The following SHC3 variants were observed in gnomAD, a reference collection of about 807,000 sequenced individuals.
SHC3 encodes the protein SHC adaptor protein 3.
Under a neutral mutation model 60.4 loss-of-function variants are expected in SHC3, and 15 were observed. That is an observed-to-expected ratio of 0.25 (90% CI 0.17 to 0.38). The LOEUF (loss-of-function observed/expected upper bound fraction) is 0.38. SHC3 is among the 10% of genes least tolerant of loss of function. The probability of loss-of-function intolerance (pLI) is 1.00; values close to 1 mark genes in which losing one functional copy is unlikely to be tolerated. For synonymous variants in SHC3, 294 were observed against 325.9 expected (o/e 0.90, Z 1.05); for missense variants, 677 against 786.1 (o/e 0.86, Z 1.66).
intron 1 of SHC3, among the ~76,000 whole-genome samples, chr9:89,166,328 T>A (rs1426763219): frequency 1.3e-5 from 2 of 152,044 alleles, no homozygotes; most frequent in African/African-American, 4.8e-5. Flanking sequence ...CTATCCCCAA[T>A]CCTAGCACAG....
chr9:89,027,420 C>T (rs1355961764), intron 11 of SHC3, among the ~76,000 whole-genome samples: 3 of 151,624 alleles, frequency 2.0e-5, no homozygotes, highest in African/African-American at 4.9e-5. Flanking sequence ...CCCGGGTTCA[C>T]GCCATTCTGC....
intron 11 of SHC3, among the ~76,000 whole-genome samples, chr9:89,026,348 A>T (rs1343722496): frequency 2.0e-5 from 3 of 152,028 alleles, no homozygotes; most frequent in Non-Finnish European, 4.4e-5. Context: ...TCTGCATGGT[A>T]AAACCTTGGT....
At chr9:89,032,842 A>G (rs1345671644) in intron 11 of SHC3, among the ~76,000 whole-genome samples, 3 of 152,196 alleles carry the variant, frequency 2.0e-5, no homozygotes, top group East Asian at 3.9e-4. Flanking sequence ...ACCAATTACC[A>G]TGAAAATCAG....
chr9:89,039,869 TCAC>T (rs1308444264), intron 10 of SHC3, among the ~76,000 whole-genome samples: 1 of 151,588 alleles, frequency 6.6e-6, no homozygotes, highest in African/African-American at 2.4e-5. Context: ...ATCATCATCA[TCAC>T]CATCATTGTC....
In SHC3 at chr9:89,065,577, T is replaced by C. The variant is rs1825165282; in HGVS notation, c.787A>G (p.Thr263Ala). 6.2e-7 allele frequency: 1 copy of C among 1,614,074 alleles called. No homozygotes were observed. The highest frequency in any genetic ancestry group is 8.5e-7 in the Non-Finnish European group (1 of 1,180,004). Residue 263 changes from threonine to alanine, a missense_variant, in exon 6 of 12, where the codon ACA becomes GCA. Thr to Ala is a moderately conservative substitution (Grantham distance 58). Coordinates refer to ENST00000375835, the MANE Select transcript of SHC3 (RefSeq NM_016848.6). ...GCCACATATGCAACATAGTCAGTTG[T>C]GTCCTGTTAAAGAAAAAAGAGATGT... The part of the protein sequence containing the change: ...ISFASGGDPD[T>A]TDYVAYVAKD...
At chr9:89,106,860 G>A (rs1248880478) in intron 2 of SHC3, among the ~76,000 whole-genome samples, 6 of 152,030 alleles carry the variant, frequency 3.9e-5, no homozygotes, top group Admixed American at 3.9e-4. Context: ...CCTCACAAAT[G>A]AAAAATAAAC....
chr9:89,018,257 A>C (rs559480197), intron 11 of SHC3, among the ~76,000 whole-genome samples: 1 of 152,218 alleles, frequency 6.6e-6, no homozygotes, highest in East Asian at 1.9e-4. Context: ...CTCATCAATG[A>C]TAGACTGGGT....
intron 1 of SHC3, among the ~76,000 whole-genome samples, chr9:89,170,683 A>G (rs1011863770): frequency 3.3e-5 from 5 of 152,352 alleles, no homozygotes; most frequent in African/African-American, 9.6e-5. Context: ...ATAATGGAAT[A>G]CAGTTGGCCC....
At chr9:89,043,699 T>C (rs1034406950) in intron 9 of SHC3, among the ~76,000 whole-genome samples, 1 of 152,102 alleles carries the variant, frequency 6.6e-6, no homozygotes, top group African/African-American at 2.4e-5. Flanking sequence ...TCACCCAGGC[T>C]GGAATGCAAG....
At chr9:89,171,513 T>C (rs929256763) in intron 1 of SHC3, among the ~76,000 whole-genome samples, 3 of 152,230 alleles carry the variant, frequency 2.0e-5, no homozygotes, top group Non-Finnish European at 2.9e-5. Flanking sequence ...GCCTATTCAA[T>C]AGACGAAAGT....
intron 2 of SHC3, among the ~76,000 whole-genome samples, chr9:89,088,307 T>C (rs754015731): frequency 1.5e-4 from 23 of 152,216 alleles, no homozygotes; most frequent in South Asian, 4.2e-4. Flanking sequence ...CTTCAAGTTG[T>C]CCTGCCTTTC....
At chr9:89,146,835 A>G (rs925690504) in intron 1 of SHC3, among the ~76,000 whole-genome samples, 3 of 152,228 alleles carry the variant, frequency 2.0e-5, no homozygotes, top group African/African-American at 7.2e-5. Context: ...ACTCTCATTC[A>G]CTGCTAGCAC....
Position 89,042,153 on chromosome 9 carries a change from C to T in SHC3, c.1233G>A (p.Gly411=), listed in dbSNP as rs1265180226. The stretch of plus-strand genomic sequence containing the variant: ...CTCCCGTGGGGGCCACGTGCAGTTT[C>T]CCTTCTGGCGTGCTGTAGATGTCCG... The part of the protein sequence containing the change: ...GSSDIYSTPE[G]KLHVAPTGEA... Residue 411 remains glycine (G), a synonymous_variant, in exon 10 of 12, where the codon GGG becomes GGA. Coordinates refer to ENST00000375835, the MANE Select transcript of SHC3 (RefSeq NM_016848.6). The T allele has an allele frequency of 1.3e-6, 2 of 1,549,014 alleles. No individual in the cohort carries two copies. The highest frequency in any genetic ancestry group is 2.2e-5 in the Admixed American group (1 of 44,840).
At chr9:89,028,172 T>C (rs1162167609) in intron 11 of SHC3, among the ~76,000 whole-genome samples, 1 of 152,124 alleles carries the variant, frequency 6.6e-6, no homozygotes, top group Non-Finnish European at 1.5e-5. Flanking sequence ...CCCACACATG[T>C]CATTCCCTCT....
intron 1 of SHC3, among the ~76,000 whole-genome samples, chr9:89,137,423 C>T (rs1280678912): frequency 2.0e-5 from 3 of 152,114 alleles, no homozygotes; most frequent in Non-Finnish European, 2.9e-5. Context: ...GCCTTAGATA[C>T]ACAACTTCCA....
chr9:89,050,513 T>G (rs1824845428), intron 7 of SHC3, among the ~76,000 whole-genome samples: 1 of 152,240 alleles, frequency 6.6e-6, no homozygotes, highest in Non-Finnish European at 1.5e-5. Context: ...CTTGAACTCC[T>G]GACCTCAGGT....
Position 89,133,203 on chromosome 9 carries a change from G to A in SHC3, c.475-20577C>T, listed in dbSNP as rs28800530. Among the ~76,000 whole-genome samples, 205 of 152,116 alleles carry A rather than the reference G, an allele frequency of 1.3e-3. 1 individual carries two copies. The highest frequency in any genetic ancestry group is 4.6e-3 in the African/African-American group (193 of 41,514). On this transcript the variant is annotated intron_variant, in intron 1 of 11. Coordinates refer to ENST00000375835, the MANE Select transcript of SHC3 (RefSeq NM_016848.6). ...CATCAGAGAAATGCAAATCAAAACC[G>A]CAATGAGATAACATCTCACACCAGT...
At chr9:89,081,891 G>T (rs926777288) in intron 2 of SHC3, among the ~76,000 whole-genome samples, 2 of 152,122 alleles carry the variant, frequency 1.3e-5, no homozygotes, top group Non-Finnish European at 2.9e-5. Flanking sequence ...CCTTTCAGCT[G>T]CAGCTCCTGA....
chr9:89,078,383 T>C (rs887648919), intron 2 of SHC3, among the ~76,000 whole-genome samples: 2 of 152,202 alleles, frequency 1.3e-5, no homozygotes, highest in African/African-American at 2.4e-5. Context: ...CGAGTTTTAT[T>C]CCCAGTTTCT....
Sources: allele counts gnomAD v4.1 joint callset (sites outside exome capture counted in the v4.1 genomes callset), GRCh38; gene constraint gnomAD v4.1.1; transcripts MANE v1.5; gene names NCBI Gene and HGNC (gene_info 2026-07-23, HGNC 2026-07-21).